ACAD11: variants seen among roughly 807,000 people sequenced by gnomAD.
ACAD11 encodes acyl-CoA dehydrogenase family member 11, also known as acyl-Coenzyme A dehydrogenase family, member 11.
In ACAD11, 83 loss-of-function variants were observed where a neutral mutation model predicts 102.2. The ratio of observed to expected loss-of-function variants is 0.81; its 90% CI spans 0.68 to 0.97. The LOEUF is 0.97. Ranked by LOEUF, ACAD11 falls within the 50% of genes least tolerant of loss-of-function variation. The probability of loss-of-function intolerance (pLI) is 0.00; values close to 1 mark genes in which losing one functional copy is unlikely to be tolerated. For synonymous variants in ACAD11, 324 were observed against 319.8 expected, an observed-to-expected ratio of 1.01 and a Z score of -0.14; for missense variants, 901 against 951.7, an observed-to-expected ratio of 0.95 and a Z score of 0.70.
At chr3:132,563,865 G>A (rs1186321328) in intron 17 of ACAD11, among the ~76,000 whole-genome samples, 1 of 152,054 alleles carries the variant, frequency 6.6e-6, no homozygotes, top group South Asian at 2.1e-4. Context: ...CCAGTTTTGG[G>A]GGAAAAGCAT....
intron 17 of ACAD11, among the ~76,000 whole-genome samples, chr3:132,564,763 T>C (rs1034753650): frequency 3.9e-5 from 6 of 152,218 alleles, no homozygotes; most frequent in Non-Finnish European, 7.3e-5. Context: ...TTTTTCTCTA[T>C]TCCTTCTGTT....
chr3:132,647,981 G>A (rs1940776993), intron 1 of ACAD11, among the ~76,000 whole-genome samples: 1 of 152,006 alleles, frequency 6.6e-6, no homozygotes, highest in Non-Finnish European at 1.5e-5. Flanking sequence ...CATTCTTGAG[G>A]TCACTGTACT....
intron 11 of ACAD11, among the ~76,000 whole-genome samples, chr3:132,609,021 C>A (rs1317480348): frequency 6.6e-6 from 1 of 152,170 alleles, no homozygotes; most frequent in Non-Finnish European, 1.5e-5. Context: ...GATAACTGAA[C>A]AACCTGCTCC....
chr3:132,642,130 G>T lies in ACAD11; in HGVS notation c.379C>A (p.Arg127=), dbSNP rs773176265. 5.6e-6 allele frequency: 9 copies of T among 1,613,090 alleles called. No homozygotes were observed. The highest frequency in any genetic ancestry group is 1.1e-5 in the South Asian group (1 of 90,992). The change falls in exon 4 of 20, where the codon CGA becomes AGA. Residue 127 remains arginine (R), a synonymous_variant. Transcript: ENST00000264990. ...GGAATTGTTAAATCACGGAAGATTC[G>T]ACCCTATGGAAGTGATTACAACAGA... ...EFYVMEHVQG[R]IFRDLTIPGL... is the part of the protein sequence containing the mutation.
At chr3:132,569,382 G>T (rs540733493) in intron 17 of ACAD11, among the ~76,000 whole-genome samples, 1 of 152,262 alleles carries the variant, frequency 6.6e-6, no homozygotes, top group African/African-American at 2.4e-5. Flanking sequence ...TACACAGTTA[G>T]TGAGAATCAA....
rs775702688 is a variant in ACAD11, at chr3:132,561,114, C to A, written c.2105G>T (p.Gly702Val). 8.7e-6 allele frequency: 14 copies of A among 1,612,746 alleles called. No homozygotes were observed. Among genetic ancestry groups the A allele is most frequent in the Non-Finnish European group, 9.3e-6 (11 of 1,179,242 alleles). ...AHSMDTLGSAGAKKEIAMIKV... is the reference protein window; with the variant it reads ...AHSMDTLGSAVAKKEIAMIKV... ...AGGTAGCCTCACCTCTTTCTTAGCG[C>A]CAGCACTGCCCAGAGTGTCCATGCT... Residue 702 changes from glycine (G) to valine (V), a missense_variant, in exon 18 of 20, where the codon GGC becomes GTC. By Grantham distance (109) the Gly-to-Val change is moderately radical. Transcript: ENST00000264990.
At chr3:132,642,593 T>C (rs905116502) in intron 3 of ACAD11, 84 bp downstream of exon 3, 1 of 1,359,968 alleles carries the variant, frequency 7.4e-7, no homozygotes, top group Non-Finnish European at 1.0e-6. Flanking sequence ...AACTATATCA[T>C]TTATTAAGTA....
Position 132,558,911 on chromosome 3 carries a change from G to T in ACAD11, c.*60C>A. On this transcript the variant is annotated 3_prime_UTR_variant, in exon 20 of 20. Coordinates refer to ENST00000264990, the MANE Select transcript of ACAD11 (RefSeq NM_032169.5). The stretch of plus-strand genomic sequence containing the variant: ...AAAAATATGAGATTCAAATGTTGGA[G>T]CCAATGAAGTTTGTATAAAGGAGAG... 8.3e-7 allele frequency: 1 copy of T among 1,211,962 alleles called. No individual in the cohort carries two copies. Among genetic ancestry groups the T allele is most frequent in the Non-Finnish European group, 1.2e-6 (1 of 835,950 alleles). 75.1% of individuals were successfully genotyped at this position (1,211,962 alleles called of 1,614,324 possible). A position where few individuals can be genotyped will look rare whatever the true frequency, so the allele number is the denominator to read the frequency against.
At chr3:132,630,661 C>G in intron 6 of ACAD11, 103 bp from the exon 7 acceptor site, 1 of 936,286 alleles carries the variant, frequency 1.1e-6, no homozygotes. Flanking sequence ...ATGTAATAAC[C>G]ATTAGCCCTT....
At chr3:132,603,410 A>C in intron 12 of ACAD11, 83 bp from the exon 13 acceptor site, 1 of 1,233,466 alleles carries the variant, frequency 8.1e-7, no homozygotes, top group Non-Finnish European at 1.2e-6. Context: ...TTTAAAAACA[A>C]AGACATCTTT....
At chr3:132,569,444 A>T (rs1457004575) in intron 17 of ACAD11, among the ~76,000 whole-genome samples, 2 of 152,222 alleles carry the variant, frequency 1.3e-5, no homozygotes, top group African/African-American at 4.8e-5. Flanking sequence ...CAACTACCAC[A>T]TGACACAGTA....
At chr3:132,604,259 T>C (rs1038884050) in intron 12 of ACAD11, among the ~76,000 whole-genome samples, 5 of 152,210 alleles carry the variant, frequency 3.3e-5, no homozygotes, top group African/African-American at 7.2e-5. Context: ...AGTATTGTTA[T>C]AATTGTTCTA....
intron 1 of ACAD11, among the ~76,000 whole-genome samples, chr3:132,646,194 G>A (rs1183378068): frequency 1.1e-4 from 16 of 152,090 alleles, no homozygotes; most frequent in Non-Finnish European, 2.9e-5. Flanking sequence ...TCGATCTCTT[G>A]ACCTCGTGAT....
In ACAD11 at chr3:132,618,781, G is replaced by A; in HGVS notation, c.1276-9C>T. ...TCGACTTTGGCCATTTCCTGTCAAGGTGATGAACATGCCAGAGTGACCATA... is the reference window on the plus strand; with the variant it reads ...TCGACTTTGGCCATTTCCTGTCAAGATGATGAACATGCCAGAGTGACCATA... On this transcript the variant is annotated splice_polypyrimidine_tract_variant and intron_variant, in intron 10 of 19. Transcript: ENST00000264990. 7 of 1,575,268 alleles carry A rather than the reference G, an allele frequency of 4.4e-6. No individual in the cohort carries two copies. The highest frequency in any genetic ancestry group is 6.0e-6 in the Non-Finnish European group (7 of 1,165,504).
intron 1 of ACAD11, chr3:132,646,337 G>A (rs1402174064): frequency 6.6e-6 from 1 of 151,616 alleles, no homozygotes; most frequent in African/African-American, 2.4e-5. Context: ...TGAGGCTTGT[G>A]ATCCGCCTGC....
intron 13 of ACAD11, among the ~76,000 whole-genome samples, chr3:132,591,610 C>T (rs1938077187): frequency 6.6e-6 from 1 of 152,058 alleles, no homozygotes; most frequent in East Asian, 1.9e-4. Flanking sequence ...AAAATGTTGG[C>T]CGGGCATGAT....
At chr3:132,611,244 A>G (rs1410977751) in intron 11 of ACAD11, among the ~76,000 whole-genome samples, 1 of 152,172 alleles carries the variant, frequency 6.6e-6, no homozygotes, top group East Asian at 1.9e-4. Context: ...AGAGCTATCT[A>G]TGACAAATCC....
chr3:132,576,488 T>C (rs1305214500), intron 16 of ACAD11, among the ~76,000 whole-genome samples: 1 of 152,234 alleles, frequency 6.6e-6, no homozygotes, highest in Non-Finnish European at 1.5e-5. Context: ...CTAACTTATA[T>C]CTAATACTTG....
intron 13 of ACAD11, among the ~76,000 whole-genome samples, chr3:132,591,921 C>T (rs543436717): frequency 2.6e-5 from 4 of 152,064 alleles, no homozygotes; most frequent in African/African-American, 4.8e-5. Flanking sequence ...AAAATGTTGC[C>T]ACAGCCTTAT....
Sources: gnomAD v4.1 joint callset for allele counts (sites outside exome capture counted in the v4.1 genomes callset) on GRCh38, gnomAD v4.1.1 for gene constraint, MANE v1.5 for transcripts, NCBI Gene and HGNC (gene_info 2026-07-23, HGNC 2026-07-21) for gene names.